Variants in ZNF3 observed in about 807,000 individuals in gnomAD.
ZNF3 encodes C2-H2 type zinc finger protein.
ZNF3 carries 16 observed loss-of-function variants against 36.9 expected under a neutral mutation model. The observed-to-expected ratio is 0.43, with a 90% CI of 0.29 to 0.66. The LOEUF (loss-of-function observed/expected upper bound fraction) is 0.66. ZNF3 is among the 30% of genes least tolerant of loss of function. ZNF3 has a pLI of 0.13. For missense variants in ZNF3, 462 were observed against 543.1 expected (o/e 0.85, Z 1.48); for synonymous variants, 201 against 201.9 (o/e 1.00, Z 0.04).
rs909910136 is a variant in ZNF3 at position 100,070,978 on chromosome 7, C to T, written c.*165G>A. On this transcript the variant is annotated 3_prime_UTR_variant, in exon 6 of 6. Transcript: ENST00000299667. ...CCACTTGCCTTGACGCTTTCTAAGG[C>T]TGGTGTGATTTCTGGGAAAATTCAA... 4.9e-6 allele frequency: 7 copies of T among 1,438,696 alleles called. No homozygotes were observed. Among genetic ancestry groups the T allele is most frequent in the Non-Finnish European group, 6.4e-6 (7 of 1,102,056 alleles). The allele number at this position is 1,438,696 out of a possible 1,614,324, so 89.1% of individuals were successfully genotyped here.
downstream of ZNF3, among the ~76,000 whole-genome samples, chr7:100,068,378 AATTT>A (rs1340560108): frequency 1.3e-5 from 2 of 151,718 alleles, no homozygotes; most frequent in Non-Finnish European, 2.9e-5. Flanking sequence ...ACAGATTTAA[AATTT>A]ATTTGCATAG....
rs1288060467 is a variant in ZNF3, at chr7:100,081,326, T to C, written c.-198+309A>G. On this transcript the variant is annotated intron_variant, in intron 1 of 5. Transcript: ENST00000299667. This position sits in a 1 kb window ranked among gnomAD's most constrained non-coding sequence, Gnocchi z 4.3. ...CCAAGTTAGGGTCGCTGTCATTAGC[T>C]GCTTTCAAGAGAGAGGCGCCCCTAC... is the stretch of plus-strand genomic sequence containing the variant. Among the ~76,000 whole-genome samples the C allele has an allele frequency of 6.6e-6, 1 of 152,272 alleles. No individual in the cohort carries two copies. Among genetic ancestry groups the C allele is most frequent in the Non-Finnish European group, 1.5e-5 (1 of 68,048 alleles).
intron 4 of ZNF3, 65 bp downstream of exon 4, chr7:100,075,477 G>T: frequency 6.3e-7 from 1 of 1,586,362 alleles, no homozygotes; most frequent in Non-Finnish European, 8.6e-7. Flanking sequence ...AGGGTTTAAA[G>T]CTCTGAATGG....
At chr7:100,066,653 C>T (rs953224921), downstream of ZNF3, among the ~76,000 whole-genome samples, 5 of 151,542 alleles carry the variant, frequency 3.3e-5, no homozygotes, top group African/African-American at 4.9e-5. Context: ...AGGAGAATGG[C>T]ATGAACCTGG....
At chr7:100,075,291 C>G (rs1448740590) in intron 4 of ZNF3, 30 bp from the exon 5 acceptor site, 8 of 1,613,838 alleles carry the variant, frequency 5.0e-6, no homozygotes, top group Non-Finnish European at 6.8e-6. Context: ...CATGCAATTT[C>G]AGGGTGAGGA....
At chr7:100,073,676 A>G (rs1793585598) in intron 5 of ZNF3, among the ~76,000 whole-genome samples, 1 of 151,772 alleles carries the variant, frequency 6.6e-6, no homozygotes, top group Non-Finnish European at 1.5e-5. Context: ...CTAAGTTTCT[A>G]CAGAGCAGCA....
At position 100,064,552 on chromosome 7, in the gene ZNF3, T is replaced by A. The variant is rs751857595; in HGVS notation, c.*236A>T. The A allele has an allele frequency of 1.0e-4, 165 of 1,614,068 alleles. No homozygotes were observed. The highest frequency in any genetic ancestry group is 1.3e-4 in the Non-Finnish European group (158 of 1,180,036). On this transcript the variant is annotated 3_prime_UTR_variant, in exon 6 of 6. Coordinates refer to the ZNF3 transcript ENST00000413658. ...CTGGTGTCATCACTGTGGAAAGACC[T>A]TCTGTAGCAAGTCCAATCTTTCCAA...
chr7:100,080,385 T>G (rs946259650), intron 1 of ZNF3, among the ~76,000 whole-genome samples: 1 of 152,028 alleles, frequency 6.6e-6, no homozygotes, highest in African/African-American at 2.4e-5. Context: ...CCCCAGCACT[T>G]TAGGAGGCTG....
chr7:100,063,920 T>C (rs201417977), downstream of ZNF3: 2 of 1,614,072 alleles, frequency 1.2e-6, no homozygotes, highest in East Asian at 4.5e-5. Context: ...AGGCAGTGCG[T>C]AAACCTTGAA....
At chr7:100,064,541 G>A in exon 6 of ZNF3, 2 of 1,614,182 alleles carry the variant, frequency 1.2e-6, no homozygotes, top group Non-Finnish European at 1.7e-6. Context: ...TGTCATCACT[G>A]TGGAAAGACC....
At chr7:100,075,377 C>T in intron 4 of ZNF3, 116 bp from the exon 5 acceptor site, 1 of 1,578,720 alleles carries the variant, frequency 6.3e-7, no homozygotes, top group African/African-American at 1.3e-5. Flanking sequence ...GAAGGGAGGA[C>T]AGGGTGGAGG....
chr7:100,067,060 C>T (rs536530226), downstream of ZNF3, among the ~76,000 whole-genome samples: 6 of 152,056 alleles, frequency 3.9e-5, no homozygotes, highest in South Asian at 1.0e-3. Flanking sequence ...CCCTAGTTGC[C>T]ACTCTGGCCT....
At chr7:100,073,524 G>T (rs1019298625) in intron 5 of ZNF3, among the ~76,000 whole-genome samples, 1 of 151,656 alleles carries the variant, frequency 6.6e-6, no homozygotes, top group Admixed American at 6.6e-5. Context: ...AATTTTTTTT[G>T]TATTTTTAGT....
downstream of ZNF3, among the ~76,000 whole-genome samples, chr7:100,065,535 A>C (rs1792603644): frequency 6.6e-6 from 1 of 152,036 alleles, no homozygotes; most frequent in South Asian, 2.1e-4. Flanking sequence ...TTTGTGGCAA[A>C]CAACCATTAT....
Position 100,071,680 on chromosome 7 carries a change from G to C in ZNF3, c.804C>G (p.Ser268Arg), listed in dbSNP as rs1250383464. Residue 268 changes from serine (S) to arginine (R), a missense_variant, in exon 6 of 6, where the codon AGC (serine) becomes AGG (arginine). Physicochemically the swap from Ser to Arg is moderately radical, Grantham distance 110. Transcript: ENST00000299667. ...TCCTCCGATGCAGAATGAGGGCAGA[G>C]CTACAGCTGAAGGTTTTCCCACAAT... ...CSDCGKTFSC[S>R]SALILHRRIH... The C allele has an allele frequency of 3.7e-6, 6 of 1,613,500 alleles. No homozygotes were observed. Among genetic ancestry groups the C allele is most frequent in the Admixed American group, 3.3e-5 (2 of 59,940 alleles).
Position 100,071,359 on chromosome 7 carries a change from T to G in ZNF3, c.1125A>C (p.Gly375=). The stretch of plus-strand genomic sequence containing the variant: ...TAAGGCCTGAACTGTAGGTAAACTT[T>G]CCTCCACATTCCATACATTCGTAGG... ...EKPYECMECG[G]KFTYSSGLIQ... is the part of the protein sequence containing the mutation. Residue 375 remains glycine, a synonymous_variant, in exon 6 of 6, where the codon GGA becomes GGC. Transcript: ENST00000299667. 6.2e-7 allele frequency: 1 copy of G among 1,614,102 alleles called. No homozygotes were observed. Among genetic ancestry groups the G allele is most frequent in the Non-Finnish European group, 8.5e-7 (1 of 1,180,018 alleles).
rs117092150 is a variant in ZNF3 at position 100,079,985 on chromosome 7, G to A, written c.-197-329C>T. ...CCCAAAGTGCTGGGATTACAGGCAT[G>A]AGCCACCGAGTCCAGCCTAAACTTC... On this transcript the variant is annotated intron_variant, in intron 1 of 5. Coordinates refer to ENST00000299667, the MANE Select transcript of ZNF3 (RefSeq NM_032924.5). Among the ~76,000 whole-genome samples, 864 of 152,102 alleles carry A rather than the reference G, an allele frequency of 5.7e-3. 3 individuals are homozygous for A. The highest frequency in any genetic ancestry group is 7.7e-3 in the Non-Finnish European group (526 of 67,976).
chr7:100,077,205 G>A, intron 3 of ZNF3, 98 bp downstream of exon 3: 1 of 1,461,048 alleles, frequency 6.8e-7, no homozygotes, highest in Non-Finnish European at 9.6e-7. Context: ...ATTCACATCT[G>A]GATTCTAGTA....
At chr7:100,069,570 AAAATT>A (rs1478142461), downstream of ZNF3, among the ~76,000 whole-genome samples, 10 of 151,956 alleles carry the variant, frequency 6.6e-5, no homozygotes, top group Non-Finnish European at 1.2e-4. Flanking sequence ...AAAAAAAAAA[AAAATT>A]AAGTCAACTT....
Sources: allele counts gnomAD v4.1 joint callset (sites outside exome capture counted in the v4.1 genomes callset), GRCh38; gene constraint gnomAD v4.1.1; non-coding constraint Gnocchi (gnomAD v3.1); transcripts MANE v1.5; gene names NCBI Gene and HGNC (gene_info 2026-07-23, HGNC 2026-07-21).